Variants in TSNARE1 observed in about 807,000 individuals in gnomAD.
TSNARE1 encodes t-SNARE domain containing 1, also known as t-SNARE domain-containing protein 1.
In TSNARE1, 49 loss-of-function variants were observed where a neutral mutation model predicts 62.0. The observed-to-expected ratio is 0.79, with a 90% CI of 0.63 to 1.00. The LOEUF (loss-of-function observed/expected upper bound fraction) is 1.00. TSNARE1 is among the 50% of genes least tolerant of loss of function. TSNARE1 has a pLI of 0.00. For missense variants in TSNARE1, 755 were observed against 700.1 expected (o/e 1.08, Z -0.88); for synonymous variants, 328 against 294.4 (o/e 1.11, Z -1.17).
At chr8:142,406,274 G>A (rs2131561033), upstream of TSNARE1, 1 of 152,412 alleles carries the variant, frequency 6.6e-6, no homozygotes, top group South Asian at 2.1e-4. Flanking sequence ...CTGCCTCATT[G>A]GATTTCGTCA....
At position 142,229,540 on chromosome 8, in the gene TSNARE1, C is replaced by A. The variant is rs1310034956; in HGVS notation, c.1486G>T (p.Gly496Ter). ...ATGATGACAAGCAGGGCAGTGACTC[C>A]AGCTGATAGGAAGCAGCACTTGATC... ...HKIKCCFLSA[G>*]VTALLVIIII... Residue 496 changes from glycine to a stop codon, truncating the protein, a stop_gained, in exon 13 of 14, where the codon GGA (glycine) becomes TGA (stop). Coordinates refer to ENST00000524325, the MANE Select transcript of TSNARE1 (RefSeq NM_145003.5). LOFTEE classifies it high-confidence loss of function. The A allele has an allele frequency of 6.2e-7, 1 of 1,613,964 alleles. No homozygotes were observed. Among genetic ancestry groups the A allele is most frequent in the Non-Finnish European group, 8.5e-7 (1 of 1,180,028 alleles).
chr8:142,395,568 C>T (rs1287040221), intron 1 of TSNARE1, among the ~76,000 whole-genome samples: 1 of 151,238 alleles, frequency 6.6e-6, no homozygotes, highest in Non-Finnish European at 1.5e-5. Context: ...GAAGATCTGT[C>T]GCCAGGGGGC....
chr8:142,285,226 GGATGGATGGATGGGTA>G (rs1020928136), intron 10 of TSNARE1, among the ~76,000 whole-genome samples: 15 of 140,682 alleles, frequency 1.1e-4, no homozygotes, highest in Admixed American at 4.3e-4. Flanking sequence ...ATGAATGGGT[GGATGGATGGATGGGTA>G]GATGGATGGA....
intron 1 of TSNARE1, among the ~76,000 whole-genome samples, chr8:142,399,826 G>A (rs1440871294): frequency 6.6e-6 from 1 of 152,154 alleles, no homozygotes; most frequent in African/African-American, 2.4e-5. Flanking sequence ...GGGCCACAAG[G>A]TCAAAGTCTA....
At chr8:142,375,756 C>T (rs1318661854) in intron 1 of TSNARE1, among the ~76,000 whole-genome samples, 3 of 152,252 alleles carry the variant, frequency 2.0e-5, no homozygotes. Context: ...GACCCCCAGT[C>T]ATGGCAACTG....
chr8:142,311,290 G>GTTTTTTTTT lies in TSNARE1; in HGVS notation c.1131+3085_1131+3093dup, dbSNP rs58755110. ...CGATTCTCCTGCCTCAGCCTCTCTA[G>GTTTTTTTTT]TTTTTTTTTTTTTTTTTTTTTTTTG... On this transcript the variant is annotated intron_variant, in intron 9 of 13. Transcript: ENST00000524325. 4.7e-4 allele frequency among the ~76,000 whole-genome samples: 27 copies of GTTTTTTTTT among 57,354 alleles called. 2 individuals carry two copies. Among genetic ancestry groups the GTTTTTTTTT allele is most frequent in the South Asian group, 1.4e-3 (2 of 1,450 alleles). 37.6% of individuals were successfully genotyped at this position (57,354 alleles called of 152,430 possible). A position where few individuals can be genotyped will look rare whatever the true frequency, so the allele number is the denominator to read the frequency against.
At chr8:142,267,470 G>A (rs1014726558) in intron 12 of TSNARE1, among the ~76,000 whole-genome samples, 3 of 152,186 alleles carry the variant, frequency 2.0e-5, no homozygotes, top group Non-Finnish European at 4.4e-5. Context: ...ACTGCGTAGG[G>A]AAAGGGCATG....
At chr8:142,219,620 C>G (rs1419860608) in intron 13 of TSNARE1, among the ~76,000 whole-genome samples, 2 of 152,212 alleles carry the variant, frequency 1.3e-5, no homozygotes, top group African/African-American at 2.4e-5. Flanking sequence ...CAGCTGCCCA[C>G]AGTTAAGCCC....
chr8:142,341,908 C>A (rs1396565567), intron 4 of TSNARE1, among the ~76,000 whole-genome samples: 2 of 152,228 alleles, frequency 1.3e-5, no homozygotes, highest in African/African-American at 4.8e-5. Context: ...AGGAGGACTT[C>A]TTCATGTAAA....
At chr8:142,324,497 C>T (rs1200498201) in intron 6 of TSNARE1, among the ~76,000 whole-genome samples, 2 of 152,220 alleles carry the variant, frequency 1.3e-5, no homozygotes, top group African/African-American at 4.8e-5. Flanking sequence ...CCCTAGCGCC[C>T]TGCCCTAGTC....
At chr8:142,333,270 C>CG (rs764821221) in intron 4 of TSNARE1, among the ~76,000 whole-genome samples, 63 of 152,234 alleles carry the variant, frequency 4.1e-4, no homozygotes, top group Admixed American at 1.6e-3. Flanking sequence ...GAAGGAAGCA[C>CG]GGGGGGCCGA....
intron 4 of TSNARE1, among the ~76,000 whole-genome samples, chr8:142,339,467 G>C (rs1832233554): frequency 6.6e-6 from 1 of 152,120 alleles, no homozygotes; most frequent in Admixed American, 6.5e-5. Context: ...GTGTGGGCCA[G>C]GGCACCATGG....
chr8:142,365,446 T>C (rs1835462217), intron 1 of TSNARE1, among the ~76,000 whole-genome samples: 1 of 152,218 alleles, frequency 6.6e-6, no homozygotes, highest in South Asian at 2.1e-4. Flanking sequence ...GAACACAACC[T>C]TTAGAATGGA....
chr8:142,253,521 AC>A (rs1563778988), intron 12 of TSNARE1, among the ~76,000 whole-genome samples: 158 of 82,558 alleles, frequency 1.9e-3, no homozygotes, highest in Non-Finnish European at 3.1e-3. Context: ...GCATAGACCC[AC>A]TGCAGTAGGG....
chr8:142,378,149 A>G (rs1836477948), intron 1 of TSNARE1, among the ~76,000 whole-genome samples: 1 of 152,212 alleles, frequency 6.6e-6, no homozygotes, highest in South Asian at 2.1e-4. Context: ...CCTTGTGCCG[A>G]TTGCCCCAAA....
intron 12 of TSNARE1, among the ~76,000 whole-genome samples, chr8:142,238,527 C>G (rs989284151): frequency 1.3e-5 from 2 of 152,058 alleles, no homozygotes; most frequent in African/African-American, 2.4e-5. Context: ...AGCCCCACAC[C>G]TGCTCCACCC....
At chr8:142,270,938 T>G in intron 12 of TSNARE1, 1 of 985,376 alleles carries the variant, frequency 1.0e-6, no homozygotes, top group Non-Finnish European at 1.2e-6. Context: ...ACAGCCCACA[T>G]CCTCTCATCC....
At chr8:142,386,248 T>C (rs1837104092) in intron 1 of TSNARE1, among the ~76,000 whole-genome samples, 1 of 152,150 alleles carries the variant, frequency 6.6e-6, no homozygotes, top group Admixed American at 6.5e-5. Context: ...AGTGTGGCTA[T>C]CTGGGGAAAT....
intron 8 of TSNARE1, 23 bp downstream of exon 8, chr8:142,314,980 C>T (rs1457969151): frequency 6.2e-7 from 1 of 1,612,920 alleles, no homozygotes; most frequent in Non-Finnish European, 8.5e-7. Flanking sequence ...TGCAGACCCC[C>T]ACTGCCCCCA....
Sources: gnomAD v4.1 joint callset for allele counts (sites outside exome capture counted in the v4.1 genomes callset) on GRCh38, gnomAD v4.1.1 for gene constraint, MANE v1.5 for transcripts, NCBI Gene and HGNC (gene_info 2026-07-23, HGNC 2026-07-21) for gene names.